ZNF254: variants seen among roughly 807,000 people sequenced by gnomAD.
The protein encoded by ZNF254 is zinc finger protein 254.
Under a neutral mutation model 12.4 loss-of-function variants are expected in ZNF254, and 10 were observed. That is an observed-to-expected ratio of 0.80 (90% CI 0.50 to 1.36). The LOEUF is 1.36. Among genes scored for constraint, ZNF254 ranks in the 40% most tolerant of loss-of-function variants. The pLI is 0.00. For missense variants in ZNF254, 996 were observed against 763.9 expected (o/e 1.30, Z -3.58); for synonymous variants, 305 against 253.4 (o/e 1.20, Z -1.93).
intron 1 of ZNF254, chr19:24,104,723 A>AT (rs1267589097): frequency 6.6e-6 from 1 of 152,172 alleles, no homozygotes; most frequent in Admixed American, 6.5e-5. Context: ...CTTGTGGCTG[A>AT]TGAACATGGA....
intron 1 of ZNF254, among the ~76,000 whole-genome samples, chr19:24,100,388 G>GAAAAAAAAAAAA: frequency 1.2e-5 from 1 of 85,058 alleles, no homozygotes; most frequent in African/African-American, 4.1e-5. Flanking sequence ...CTTGAAATTT[G>GAAAAAAAAAAAA]AAAAAAAAAA....
chr19:24,124,927 G>T (rs1254183559), intron 3 of ZNF254, among the ~76,000 whole-genome samples: 1 of 151,980 alleles, frequency 6.6e-6, no homozygotes, highest in African/African-American at 2.4e-5. Context: ...TGGGATTACA[G>T]GCATGCACCA....
intron 2 of ZNF254, among the ~76,000 whole-genome samples, chr19:24,067,793 T>C (rs1310654934): frequency 6.6e-6 from 1 of 151,926 alleles, no homozygotes; most frequent in Non-Finnish European, 1.5e-5. Context: ...GCCTGGACCC[T>C]ACAAATATTT....
rs1483605870 is a variant in ZNF254, at chr19:24,127,751, A to C, written c.1751A>C (p.Asn584Thr). 1 of 1,612,324 alleles carries C rather than the reference A, an allele frequency of 6.2e-7. No individual in the cohort carries two copies. Among genetic ancestry groups the C allele is most frequent in the South Asian group, 1.1e-5 (1 of 90,968 alleles). The change falls in exon 4 of 4, where the codon AAC (asparagine) becomes ACC (threonine). Residue 584 changes from asparagine (N) to threonine (T), a missense_variant. By Grantham distance (65) the Asn-to-Thr change is moderately conservative. Transcript: ENST00000357002. The part of the protein sequence containing the change: ...YKCEECGKSF[N>T]RSSTFTKHKV... The stretch of plus-strand genomic sequence containing the variant: ...TGTGAAGAATGTGGCAAATCTTTTA[A>C]CCGGTCTTCAACTTTTACTAAACAT...
chr19:24,092,589 C>T (rs1318142827), intron 1 of ZNF254, among the ~76,000 whole-genome samples: 1 of 152,008 alleles, frequency 6.6e-6, no homozygotes, highest in Non-Finnish European at 1.5e-5. Flanking sequence ...CCATGTTGCT[C>T]AGGCTGGTCT....
At chr19:24,118,217 C>G (rs775670864) in intron 3 of ZNF254, among the ~76,000 whole-genome samples, 21 of 151,846 alleles carry the variant, frequency 1.4e-4, no homozygotes, top group Non-Finnish European at 2.8e-4. Context: ...CCACATCTGG[C>G]TAATTTTTGT....
intron 3 of ZNF254, among the ~76,000 whole-genome samples, chr19:24,112,466 GTTT>G (rs1291152590): frequency 6.7e-6 from 1 of 149,046 alleles, no homozygotes; most frequent in Non-Finnish European, 1.5e-5. Context: ...CTTTAAAGTA[GTTT>G]TTTCCAATTC....
Position 24,075,873 on chromosome 19 carries a change from G to A in ZNF254, c.-94+29594G>A, listed in dbSNP as rs537075490. Among the ~76,000 whole-genome samples, 144 of 152,296 alleles carry A rather than the reference G, an allele frequency of 9.5e-4. 1 individual carries two copies. Among genetic ancestry groups the A allele is most frequent in the African/African-American group, 3.3e-3 (139 of 41,566 alleles). ...TTATTTTAGAGGCCTCACCCTGGGA[G>A]TGCATTATTTTGCCAGGCCTGTTCC... On this transcript the variant is annotated intron_variant, in intron 2 of 4. Transcript: ENST00000613065.
chr19:24,036,115 G>A (rs1358022150), intron 1 of ZNF254, among the ~76,000 whole-genome samples: 1 of 152,178 alleles, frequency 6.6e-6, no homozygotes, highest in Non-Finnish European at 1.5e-5. Context: ...AGGCTGGAGT[G>A]CAGTGGCGCG....
chr19:24,062,794 T>G (rs570274616), intron 2 of ZNF254, among the ~76,000 whole-genome samples: 6 of 152,150 alleles, frequency 3.9e-5, no homozygotes, highest in African/African-American at 1.4e-4. Flanking sequence ...GCAACTTCAC[T>G]AAGGAGCATA....
At chr19:24,056,676 G>A (rs1476581449) in intron 2 of ZNF254, among the ~76,000 whole-genome samples, 2 of 152,144 alleles carry the variant, frequency 1.3e-5, no homozygotes, top group Non-Finnish European at 2.9e-5. Context: ...CACAATGAGA[G>A]ATTGTGACGT....
chr19:24,047,240 C>T (rs767087513), intron 2 of ZNF254, among the ~76,000 whole-genome samples: 1 of 151,818 alleles, frequency 6.6e-6, no homozygotes, highest in Non-Finnish European at 1.5e-5. Flanking sequence ...CTCTGTTTCT[C>T]TCTTCCTTTT....
At chr19:24,104,502 C>T (rs1973218097) in intron 1 of ZNF254, 1 of 152,062 alleles carries the variant, frequency 6.6e-6, no homozygotes, top group Non-Finnish European at 1.5e-5. Flanking sequence ...TCTGGAATGC[C>T]TTGCATTTAG....
At chr19:24,068,099 G>A (rs1481761332) in intron 2 of ZNF254, among the ~76,000 whole-genome samples, 4 of 152,190 alleles carry the variant, frequency 2.6e-5, no homozygotes, top group African/African-American at 4.8e-5. Context: ...AGATGGCCTC[G>A]TGACATATTT....
At chr19:24,041,870 G>A (rs1970179536) in intron 1 of ZNF254, among the ~76,000 whole-genome samples, 1 of 152,138 alleles carries the variant, frequency 6.6e-6, no homozygotes, top group Admixed American at 6.5e-5. Context: ...AGGTTTGTGA[G>A]TGCACCAATC....
intron 2 of ZNF254, among the ~76,000 whole-genome samples, chr19:24,060,241 T>A (rs1306020786): frequency 6.6e-6 from 1 of 152,232 alleles, no homozygotes; most frequent in Non-Finnish European, 1.5e-5. Context: ...GTGATGTGAA[T>A]CTTTTCACCT....
chr19:24,128,021 G>C lies in ZNF254; in HGVS notation c.*41G>C, dbSNP rs781562873. Reference sequence around the variant, plus strand: ...CTAAGAAAACCCTCAATTCTTAATAGATATAAGATTATTCCTACTGGAGAG... The same window carrying C: ...CTAAGAAAACCCTCAATTCTTAATACATATAAGATTATTCCTACTGGAGAG... On this transcript the variant is annotated 3_prime_UTR_variant, in exon 4 of 4. Transcript: ENST00000357002. The C allele has an allele frequency of 1.3e-6, 2 of 1,488,752 alleles. No individual in the cohort carries two copies. The allele number at this position is 1,488,752 out of a possible 1,614,324, so 92.2% of individuals were successfully genotyped here. A position where few individuals can be genotyped will look rare whatever the true frequency, so the allele number is the denominator to read the frequency against.
chr19:24,125,983 T>C (rs915217475), intron 3 of ZNF254, among the ~76,000 whole-genome samples: 2 of 152,216 alleles, frequency 1.3e-5, no homozygotes, highest in Non-Finnish European at 2.9e-5. Flanking sequence ...TGAGTAAATT[T>C]AACAGACTTT....
At chr19:24,122,404 T>A (rs1261866670) in intron 3 of ZNF254, among the ~76,000 whole-genome samples, 1 of 152,108 alleles carries the variant, frequency 6.6e-6, no homozygotes, top group African/African-American at 2.4e-5. Context: ...TTTGTATTTT[T>A]ATTAGAGATG....
Sources: gnomAD v4.1 joint callset for allele counts (sites outside exome capture counted in the v4.1 genomes callset) on GRCh38, gnomAD v4.1.1 for gene constraint, MANE v1.5 for transcripts, NCBI Gene and HGNC (gene_info 2026-07-23, HGNC 2026-07-21) for gene names.